Variants in SLC25A23 observed in about 807,000 individuals in gnomAD.
SLC25A23 encodes the protein mitochondrial adenyl nucleotide antiporter SLC25A23.
A neutral mutation model predicts 53.9 loss-of-function variants in SLC25A23; 32 were observed. The observed-to-expected ratio is 0.59, with a 90% confidence interval of 0.45 to 0.80. The LOEUF (loss-of-function observed/expected upper bound fraction) is 0.80, where lower values mean the gene tolerates loss of function less well. SLC25A23 is among the 30% of genes least tolerant of loss of function. The pLI, the probability that SLC25A23 is intolerant of heterozygous loss-of-function variation, is 0.00. For synonymous variants in SLC25A23, 275 were observed against 264.5 expected (o/e 1.04, Z -0.38); for missense variants, 575 against 651.4 (o/e 0.88, Z 1.28).
intron 8 of SLC25A23, among the ~76,000 whole-genome samples, chr19:6,452,075 G>A (rs1359434460): frequency 6.6e-6 from 1 of 152,092 alleles, no homozygotes; most frequent in Admixed American, 6.6e-5. Flanking sequence ...AGTGGTCCCT[G>A]ACTTTCAGGT....
rs535841396 is a variant in SLC25A23, at chr19:6,448,007, C to T, written c.1072-3706G>A. On this transcript the variant is annotated intron_variant, in intron 8 of 9. Transcript: ENST00000301454. ...ATTTTATAGAAAAGAAACTGAGGCT[C>T]GGGAAGTTACTTGCCCAAAGCTACA... 2.0e-4 allele frequency among the ~76,000 whole-genome samples: 31 copies of T among 152,166 alleles called. No individual in the cohort carries two copies. The South Asian group carries it at 2.5e-3, about 12-fold the overall frequency.
In SLC25A23 at chr19:6,454,960, C is replaced by T. The variant is rs1407741902; in HGVS notation, c.484-243G>A. Among the ~76,000 whole-genome samples the T allele has an allele frequency of 6.6e-6, 1 of 152,132 alleles. No homozygotes were observed. The highest frequency in any genetic ancestry group is 1.9e-4 in the East Asian group (1 of 5,196). The stretch of plus-strand genomic sequence containing the variant: ...ATCCCACCAAAGGATCTGCCAAATC[C>T]CACTAAAGGATCCTATTCAAGTATC... On this transcript the variant is annotated intron_variant, in intron 4 of 9. Coordinates refer to ENST00000301454, the MANE Select transcript of SLC25A23 (RefSeq NM_024103.3). The surrounding 1 kb of genome is among the most constrained non-coding windows in gnomAD (Gnocchi z 4.3).
At chr19:6,445,159 G>A (rs376210887) in intron 8 of SLC25A23, among the ~76,000 whole-genome samples, 2 of 151,532 alleles carry the variant, frequency 1.3e-5, no homozygotes, top group Non-Finnish European at 2.9e-5. Context: ...GCCCAGGCAG[G>A]AGTGCAATGG....
At chr19:6,457,445 T>A in intron 3 of SLC25A23, 58 bp downstream of exon 3, 1 of 1,473,388 alleles carries the variant, frequency 6.8e-7, no homozygotes, top group Non-Finnish European at 9.5e-7. Context: ...AAGACAGAGA[T>A]GGCCAAGGGG....
At chr19:6,457,448 C>A (rs2092697408) in intron 3 of SLC25A23, 55 bp downstream of exon 3, 1 of 1,502,094 alleles carries the variant, frequency 6.7e-7, no homozygotes, top group Non-Finnish European at 9.3e-7. Flanking sequence ...ACAGAGATGG[C>A]CAAGGGGTCA....
At position 6,451,830 on chromosome 19, in the gene SLC25A23, C is replaced by CTT. The variant is rs1222647154; in HGVS notation, c.1071+480_1071+481dup. On this transcript the variant is annotated intron_variant, in intron 8 of 9. Coordinates refer to ENST00000301454, the MANE Select transcript of SLC25A23 (RefSeq NM_024103.3). ...GTCTTTGAGACTCATCTTTGCCTGC[C>CTT]TTTTTTTTTTTTTTTTTTGAGAAGG... 2.2e-3 allele frequency among the ~76,000 whole-genome samples: 268 copies of CTT among 124,210 alleles called. 5 individuals carry two copies. Among genetic ancestry groups the CTT allele is most frequent in the African/African-American group, 8.7e-3 (246 of 28,120 alleles). The allele number at this position is 124,210 out of a possible 152,430, so 81.5% of individuals were successfully genotyped here.
chr19:6,459,509 C>T lies in SLC25A23; in HGVS notation c.120G>A (p.Arg40=), dbSNP rs200267490. ...CGGGGTCTGGGTTGCCCCCGCCCAG[C>T]CTGGCCAGCCCCTGGCGCAACTCGT... ...DVHELRQGLA[R]LGGGNPDPGA... The change falls in exon 1 of 10, where the codon AGG becomes AGA. Residue 40 remains arginine (R), a synonymous_variant. Transcript: ENST00000301454. This position sits in a 1 kb window ranked among gnomAD's most constrained non-coding sequence, Gnocchi z 4.6. 1 of 1,595,560 alleles carries T rather than the reference C, an allele frequency of 6.3e-7. No homozygotes were observed.
chr19:6,447,643 T>C (rs1358976239), intron 8 of SLC25A23, among the ~76,000 whole-genome samples: 3 of 151,568 alleles, frequency 2.0e-5, no homozygotes, highest in Non-Finnish European at 4.4e-5. Flanking sequence ...CCACCGGGAT[T>C]ACAGGCATGT....
rs548281028 is a variant in SLC25A23, at chr19:6,459,350, GAC to G, written c.156+121_156+122del. 1.7e-4 allele frequency: 133 copies of G among 798,648 alleles called. No individual in the cohort carries two copies. In the African/African-American group the frequency reaches 2.2e-3, roughly 13 times the overall value. 49.5% of individuals were successfully genotyped at this position (798,648 alleles called of 1,614,324 possible). A position where few individuals can be genotyped will look rare whatever the true frequency, so the allele number is the denominator to read the frequency against. ...GAGTGGGTAGGGGGAACGAGACAGA[GAC>G]ACAGGTTCTGGAGTCCAGCCACAGG... On this transcript the variant is annotated intron_variant, in intron 1 of 9. Coordinates refer to ENST00000301454, the MANE Select transcript of SLC25A23 (RefSeq NM_024103.3). This position sits in a 1 kb window ranked among gnomAD's most constrained non-coding sequence, Gnocchi z 4.6.
chr19:6,437,246 G>A (rs1006459623), downstream of SLC25A23, among the ~76,000 whole-genome samples: 2 of 152,018 alleles, frequency 1.3e-5, no homozygotes, highest in African/African-American at 2.4e-5. Flanking sequence ...GGCCTCAAGC[G>A]ATCCTCCCAC....
At chr19:6,446,667 C>T (rs1368673545) in intron 8 of SLC25A23, among the ~76,000 whole-genome samples, 1 of 152,138 alleles carries the variant, frequency 6.6e-6, no homozygotes, top group Non-Finnish European at 1.5e-5. Flanking sequence ...ATGCTGCCTC[C>T]CACAGATCTC....
intron 9 of SLC25A23, among the ~76,000 whole-genome samples, chr19:6,442,709 C>T (rs1024028816): frequency 2.5e-4 from 38 of 152,232 alleles, no homozygotes; most frequent in African/African-American, 7.5e-4. Context: ...CCACCTTGCC[C>T]GGCTAATTTT....
chr19:6,459,398 C>T lies in SLC25A23; in HGVS notation c.156+75G>A. The T allele has an allele frequency of 1.5e-6, 2 of 1,341,920 alleles. No individual in the cohort carries two copies. Among genetic ancestry groups the T allele is most frequent in the Non-Finnish European group, 2.0e-6 (2 of 1,014,188 alleles). 83.1% of individuals were successfully genotyped at this position (1,341,920 alleles called of 1,614,324 possible). A position where few individuals can be genotyped will look rare whatever the true frequency, so the allele number is the denominator to read the frequency against. On this transcript the variant is annotated intron_variant, in intron 1 of 9. Coordinates refer to ENST00000301454, the MANE Select transcript of SLC25A23 (RefSeq NM_024103.3). The surrounding 1 kb of genome is among the most constrained non-coding windows in gnomAD (Gnocchi z 4.6). ...ACAGGTAGTCCCTGGTGGCTCCGGC[C>T]GCCCAGTTCAGGGGCTTGGGTAACC... is the stretch of plus-strand genomic sequence containing the variant.
At chr19:6,455,806 C>T in intron 4 of SLC25A23, 1 of 280,614 alleles carries the variant, frequency 3.6e-6, no homozygotes, top group Non-Finnish European at 7.0e-6. Flanking sequence ...CAAGCTCCCG[C>T]CTCCTGGGTT....
chr19:6,439,413 A>G (rs1031279723), downstream of SLC25A23, among the ~76,000 whole-genome samples: 1 of 151,276 alleles, frequency 6.6e-6, no homozygotes, highest in Non-Finnish European at 1.5e-5. Flanking sequence ...ACACACACAC[A>G]CACACACACA....
intron 7 of SLC25A23, 102 bp from the exon 8 acceptor site, chr19:6,452,581 G>T: frequency 7.3e-7 from 1 of 1,361,778 alleles, no homozygotes; most frequent in Non-Finnish European, 9.8e-7. Flanking sequence ...CAGATGCCCT[G>T]AGAACAACCG....
chr19:6,446,531 C>T (rs915763177), intron 8 of SLC25A23, among the ~76,000 whole-genome samples: 16 of 152,154 alleles, frequency 1.1e-4, no homozygotes, highest in Admixed American at 9.2e-4. Context: ...GCAGGCCAGC[C>T]GGCTCTGACC....
chr19:6,457,321 C>T (rs1400338953), intron 3 of SLC25A23, among the ~76,000 whole-genome samples, 182 bp downstream of exon 3: 5 of 152,120 alleles, frequency 3.3e-5, no homozygotes, highest in African/African-American at 1.2e-4. Context: ...CCTGCCTCAG[C>T]CTCCCAAAGT....
chr19:6,444,165 C>G lies in SLC25A23; in HGVS notation c.1208G>C (p.Arg403Pro). ...CCAGGCCTCACCTTGTGCCTGCATGCGGGTCCGGACCAGGGCCAGCGGGTA... is the reference window on the plus strand; with the variant it reads ...CCAGGCCTCACCTTGTGCCTGCATGGGGGTCCGGACCAGGGCCAGCGGGTA... ...ASYPLALVRT[R>P]MQAQASIEGG... The change falls in exon 9 of 10, where the codon CGC (arginine) becomes CCC (proline). Residue 403 changes from arginine (R) to proline (P), a missense_variant. By Grantham distance (103) the Arg-to-Pro change is moderately radical (BLOSUM62 -2). Coordinates refer to ENST00000301454, the MANE Select transcript of SLC25A23 (RefSeq NM_024103.3). The G allele has an allele frequency of 6.3e-7, 1 of 1,584,660 alleles. No homozygotes were observed. The highest frequency in any genetic ancestry group is 8.6e-7 in the Non-Finnish European group (1 of 1,163,580).
Sources: allele counts gnomAD v4.1 joint callset (sites outside exome capture counted in the v4.1 genomes callset), GRCh38; gene constraint gnomAD v4.1.1; non-coding constraint Gnocchi (gnomAD v3.1); transcripts MANE v1.5; gene names NCBI Gene and HGNC (gene_info 2026-07-23, HGNC 2026-07-21).